Variants in MACF1 observed in about 807,000 individuals in gnomAD.
MACF1 encodes microtubule-actin cross-linking factor 1.
A neutral mutation model predicts 854.8 loss-of-function variants in MACF1; 193 were observed. That is an observed-to-expected ratio of 0.23 (90% CI 0.20 to 0.25). MACF1 has a LOEUF of 0.25. MACF1 is among the 10% of genes least tolerant of loss of function. The pLI, the probability that MACF1 is intolerant of heterozygous loss-of-function variation, is 1.00. For missense variants in MACF1, 7,722 were observed against 8,929.1 expected (o/e 0.86, Z 5.45); for synonymous variants, 3,185 against 3,226.7 (o/e 0.99, Z 0.44).
intron 23 of MACF1, chr1:39,304,392 C>CT (rs940378266): frequency 1.4e-4 from 149 of 1,062,836 alleles, no homozygotes; most frequent in East Asian, 2.8e-4. Context: ...GGGAGAAGAA[C>CT]TTTATCTCCA....
chr1:39,335,852 C>T lies in MACF1; in HGVS notation c.9264C>T (p.Asn3088=). 6.2e-7 allele frequency: 1 copy of T among 1,614,082 alleles called. No individual in the cohort carries two copies. The highest frequency in any genetic ancestry group is 8.5e-7 in the Non-Finnish European group (1 of 1,180,010). ...GCTTGACTTTAAAACCAGAAGAAAA[C>T]TTATCTCGAGAAATTGCCTGTGGGG... ...SLCLTLKPEE[N]LSREIACGAQ... Residue 3088 remains asparagine, a synonymous_variant, in exon 37 of 101, where the codon AAC becomes AAT. Coordinates refer to ENST00000564288, the MANE Select transcript of MACF1 (RefSeq NM_001394062.1).
At chr1:39,408,998 C>G (rs557426481) in intron 58 of MACF1, among the ~76,000 whole-genome samples, 3 of 151,342 alleles carry the variant, frequency 2.0e-5, no homozygotes, top group African/African-American at 7.3e-5. Flanking sequence ...CGCTCCCTGG[C>G]TTCCAGGGGG....
At chr1:39,197,458 A>G (rs1229232089) in intron 2 of MACF1, among the ~76,000 whole-genome samples, 1 of 152,230 alleles carries the variant, frequency 6.6e-6, no homozygotes, top group Non-Finnish European at 1.5e-5. Flanking sequence ...GAATGACACA[A>G]ACATGGTATA....
At chr1:39,326,237 T>G (rs1302268228) in intron 35 of MACF1, among the ~76,000 whole-genome samples, 1 of 152,154 alleles carries the variant, frequency 6.6e-6, no homozygotes. Context: ...GAGTTCATTC[T>G]CAGAAACATA....
At chr1:39,142,710 TG>T (rs1355878397) in intron 2 of MACF1, among the ~76,000 whole-genome samples, 1 of 152,170 alleles carries the variant, frequency 6.6e-6, no homozygotes, top group Non-Finnish European at 1.5e-5. Context: ...GCTATCAGAG[TG>T]GAACAAGTAT....
intron 80 of MACF1, among the ~76,000 whole-genome samples, chr1:39,446,631 T>C (rs1379784510): frequency 1.3e-5 from 2 of 152,194 alleles, no homozygotes; most frequent in African/African-American, 4.8e-5. Context: ...TCTGTGAATA[T>C]TTTGGAAATA....
intron 23 of MACF1, among the ~76,000 whole-genome samples, chr1:39,307,950 G>A (rs1208676057): frequency 8.0e-6 from 1 of 125,084 alleles, no homozygotes; most frequent in East Asian, 2.6e-4. Flanking sequence ...TGTCGCCCAG[G>A]CTAGAGTGCA....
chr1:39,377,429 T>G (rs888769353), intron 52 of MACF1, among the ~76,000 whole-genome samples: 1 of 152,248 alleles, frequency 6.6e-6, no homozygotes, highest in Non-Finnish European at 1.5e-5. Flanking sequence ...CTGTATAATA[T>G]TTATCATTAC....
rs551765254 is a variant in MACF1, at chr1:39,326,263, A to G, written c.4479-955A>G. Among the ~76,000 whole-genome samples, 40 of 152,348 alleles carry G rather than the reference A, an allele frequency of 2.6e-4. 2 individuals carry two copies. In the South Asian group the frequency reaches 7.0e-3, roughly 27 times the overall value. ...CAGAAACATAATGTGGAATGAAAAA[A>G]GAAAGTTGCGGGATTCATCAGATTC... On this transcript the variant is annotated intron_variant, in intron 35 of 100. Coordinates refer to ENST00000564288, the MANE Select transcript of MACF1 (RefSeq NM_001394062.1).
chr1:39,362,674 AT>A (rs1648302128), intron 49 of MACF1, among the ~76,000 whole-genome samples: 1 of 152,182 alleles, frequency 6.6e-6, no homozygotes, highest in Non-Finnish European at 1.5e-5. Context: ...TGGCACAATA[AT>A]GTATTTCCTT....
chr1:39,287,830 G>T lies in MACF1; in HGVS notation c.1785+268G>T, dbSNP rs561922140. 1.4e-3 allele frequency among the ~76,000 whole-genome samples: 219 copies of T among 152,000 alleles called. 3 individuals carry two copies. The highest frequency in any genetic ancestry group is 1.0e-3 in the Non-Finnish European group (71 of 68,014). ...CTTGACTTTCTTAATTATTGATGCT[G>T]CCTGAGACCCAAGCCCCCTTCTCCT... On this transcript the variant is annotated intron_variant, in intron 15 of 100. Coordinates refer to ENST00000564288, the MANE Select transcript of MACF1 (RefSeq NM_001394062.1).
Position 39,340,838 on chromosome 1 carries a change from G to A in MACF1, c.10466G>A (p.Gly3489Asp). The change falls in exon 40 of 101, where the codon GGC becomes GAC. Residue 3489 changes from glycine (G) to aspartate (D), a missense_variant. By Grantham distance (94) the Gly-to-Asp change is moderately conservative. Coordinates refer to ENST00000564288, the MANE Select transcript of MACF1 (RefSeq NM_001394062.1). ...KVLNQHTQLE[G>D]RLQDLRAWVG... ...TTAAATCAGCACACACAGCTAGAAG[G>A]CCGACTTCAAGATCTGAGAGCCTGG... 1 of 1,613,764 alleles carries A rather than the reference G, an allele frequency of 6.2e-7. No homozygotes were observed. Among genetic ancestry groups the A allele is most frequent in the Non-Finnish European group, 8.5e-7 (1 of 1,179,954 alleles).
At chr1:39,306,035 C>T (rs1646167285) in intron 23 of MACF1, among the ~76,000 whole-genome samples, 1 of 152,088 alleles carries the variant, frequency 6.6e-6, no homozygotes, top group Admixed American at 6.6e-5. Flanking sequence ...ACCTCTGTAT[C>T]TTTAGCACTT....
intron 2 of MACF1, among the ~76,000 whole-genome samples, chr1:39,095,554 T>A (rs1221837902): frequency 2.9e-5 from 3 of 104,990 alleles, no homozygotes; most frequent in East Asian, 2.9e-4. Context: ...AGAGTGAGAC[T>A]CTGTCTCAAA....
intron 2 of MACF1, among the ~76,000 whole-genome samples, chr1:39,179,227 C>T (rs1644072315): frequency 6.6e-6 from 1 of 152,200 alleles, no homozygotes; most frequent in Admixed American, 6.5e-5. Flanking sequence ...ATATTCCACC[C>T]CTTCCTTTCT....
At chr1:39,448,313 AATC>A (rs1214541192) in intron 83 of MACF1, among the ~76,000 whole-genome samples, 161 bp downstream of exon 83, 1 of 152,256 alleles carries the variant, frequency 6.6e-6, no homozygotes, top group East Asian at 1.9e-4. Flanking sequence ...TAGATGGTCT[AATC>A]ATGATATTTG....
chr1:39,297,716 C>T lies in MACF1; in HGVS notation c.2452C>T (p.Arg818Cys), dbSNP rs201616111. ...CTGTGACCACAACACCAGCTTATCC[C>T]GCCTTGAAGACCTGCTCCAGGACTC... ...YSCDHNTSLS[R>C]LEDLLQDSMD... Residue 818 changes from arginine to cysteine, a missense_variant, in exon 21 of 101, where the codon CGC becomes TGC. Physicochemically the swap from Arg to Cys is radical, Grantham distance 180. Around this residue, in one of 15 missense-constraint regions of MACF1, gnomAD observed 1,137 missense variants for 1,263.0 expected, o/e 0.90. Coordinates refer to ENST00000564288, the MANE Select transcript of MACF1 (RefSeq NM_001394062.1). 91 of 1,614,030 alleles carry T rather than the reference C, an allele frequency of 5.6e-5. No individual in the cohort carries two copies. The highest frequency in any genetic ancestry group is 7.4e-5 in the Non-Finnish European group (87 of 1,180,044).
chr1:39,401,917 A>T (rs570765601), intron 58 of MACF1, among the ~76,000 whole-genome samples: 3 of 152,304 alleles, frequency 2.0e-5, no homozygotes, highest in African/African-American at 7.2e-5. Context: ...CTTTTCTAAT[A>T]TTGAGGAGCA....
intron 2 of MACF1, among the ~76,000 whole-genome samples, chr1:39,124,083 G>A: frequency 7.0e-6 from 1 of 142,900 alleles, no homozygotes. Context: ...ATGGGGCTTT[G>A]CCATGTTGCC....
Sources: gnomAD v4.1 joint callset for allele counts (sites outside exome capture counted in the v4.1 genomes callset) on GRCh38, gnomAD v4.1.1 for gene constraint, gnomAD v4.1.1 regional missense constraint, MANE v1.5 for transcripts, NCBI Gene and HGNC (gene_info 2026-07-23, HGNC 2026-07-21) for gene names.